The following ULK4 variants were observed in gnomAD, a reference collection of about 807,000 sequenced individuals.
ULK4 encodes the protein inactive serine/threonine-protein kinase ULK4.
A neutral mutation model predicts 160.6 loss-of-function variants in ULK4; 133 were observed. That is an observed-to-expected ratio of 0.83 (90% CI 0.72 to 0.96). The LOEUF (loss-of-function observed/expected upper bound fraction) is 0.96, where lower values mean the gene tolerates loss of function less well. ULK4 is among the 40% of genes least tolerant of loss of function. The pLI is 0.00. For synonymous variants in ULK4, 534 were observed against 539.8 expected (o/e 0.99, Z 0.15); for missense variants, 1,580 against 1,499.5 (o/e 1.05, Z -0.89).
intron 17 of ULK4, among the ~76,000 whole-genome samples, chr3:41,868,588 A>G (rs750856056): frequency 6.6e-6 from 1 of 152,204 alleles, no homozygotes; most frequent in Non-Finnish European, 1.5e-5. Flanking sequence ...CCAGGTTTCA[A>G]GCCATTCTCC....
chr3:41,490,175 A>G (rs2084697583), intron 32 of ULK4, among the ~76,000 whole-genome samples: 1 of 152,116 alleles, frequency 6.6e-6, no homozygotes, highest in South Asian at 2.1e-4. Flanking sequence ...TAGCTTTCTA[A>G]CAGTTCTCTC....
At chr3:41,619,478 A>G (rs928004696) in intron 30 of ULK4, among the ~76,000 whole-genome samples, 2 of 152,174 alleles carry the variant, frequency 1.3e-5, no homozygotes, top group African/African-American at 4.8e-5. Flanking sequence ...TCAAAACCAC[A>G]TAACTACATG....
chr3:41,442,011 T>C lies in ULK4; in HGVS notation c.3492+13486A>G, dbSNP rs115216591. On this transcript the variant is annotated intron_variant, in intron 34 of 36. Coordinates refer to ENST00000301831, the MANE Select transcript of ULK4 (RefSeq NM_017886.4). ...AGCTTTCTTTTGATTAGTGTAACCA[T>C]GGTGCATCTTCTTCCATTCTTTTAC... 4.2e-3 allele frequency among the ~76,000 whole-genome samples: 634 copies of C among 152,346 alleles called. 4 individuals carry two copies. Among genetic ancestry groups the C allele is most frequent in the African/African-American group, 0.015 (607 of 41,582 alleles).
At chr3:41,775,914 A>C (rs573997796) in intron 21 of ULK4, among the ~76,000 whole-genome samples, 1 of 151,090 alleles carries the variant, frequency 6.6e-6, no homozygotes, top group African/African-American at 2.5e-5. Context: ...TAATTATCCA[A>C]TCTCTTGTTG....
intron 22 of ULK4, among the ~76,000 whole-genome samples, chr3:41,750,629 C>T (rs73069401): frequency 0.034 from 5,141 of 152,230 alleles, 117 homozygotes; most frequent in Non-Finnish European, 0.053. Context: ...AAAAACACTG[C>T]CTTCTCCGTA....
chr3:41,952,834 G>T (rs1332892057), intron 2 of ULK4, among the ~76,000 whole-genome samples: 1 of 152,020 alleles, frequency 6.6e-6, no homozygotes, highest in East Asian at 1.9e-4. Flanking sequence ...ACATAAATAA[G>T]CAAAATGCGC....
intron 18 of ULK4, among the ~76,000 whole-genome samples, chr3:41,827,035 T>C (rs1239630037): frequency 6.6e-6 from 1 of 150,954 alleles, no homozygotes; most frequent in Non-Finnish European, 1.5e-5. Flanking sequence ...ACATGGAAAC[T>C]GAACAACCTG....
intron 34 of ULK4, among the ~76,000 whole-genome samples, chr3:41,453,003 G>A (rs779898782): frequency 2.6e-5 from 4 of 152,098 alleles, no homozygotes; most frequent in African/African-American, 4.8e-5. Context: ...TTCAGACACT[G>A]AGCTCTCTTG....
intron 16 of ULK4, among the ~76,000 whole-genome samples, chr3:41,888,079 C>G (rs1170329236): frequency 2.0e-5 from 3 of 151,104 alleles, no homozygotes; most frequent in African/African-American, 7.3e-5. Flanking sequence ...CTCGGGGACA[C>G]AGTGAGACCC....
At chr3:41,669,228 C>T (rs1575550369) in intron 29 of ULK4, among the ~76,000 whole-genome samples, 3 of 152,212 alleles carry the variant, frequency 2.0e-5, no homozygotes, top group Non-Finnish European at 4.4e-5. Context: ...GTATTAAATA[C>T]CTTTAAAATG....
At chr3:41,332,378 T>A (rs2080462996) in intron 35 of ULK4, among the ~76,000 whole-genome samples, 1 of 152,234 alleles carries the variant, frequency 6.6e-6, no homozygotes, top group South Asian at 2.1e-4. Context: ...ACTCCAAGCA[T>A]GAATCAACTT....
At chr3:41,456,631 T>C (rs2083560867) in intron 33 of ULK4, among the ~76,000 whole-genome samples, 1 of 152,202 alleles carries the variant, frequency 6.6e-6, no homozygotes, top group South Asian at 2.1e-4. Flanking sequence ...ATCATAGAGA[T>C]GAATAATTTT....
chr3:41,357,044 A>G (rs1025925479), intron 35 of ULK4, among the ~76,000 whole-genome samples: 3 of 152,154 alleles, frequency 2.0e-5, no homozygotes, highest in Admixed American at 2.0e-4. Flanking sequence ...TCCACTTTTC[A>G]GGCATCTTCT....
At chr3:41,509,894 T>G (rs2085511552) in intron 32 of ULK4, among the ~76,000 whole-genome samples, 1 of 152,176 alleles carries the variant, frequency 6.6e-6, no homozygotes, top group Admixed American at 6.5e-5. Flanking sequence ...TTTCACAGGA[T>G]CTATATAACA....
At chr3:41,665,878 A>G (rs1043745460) in intron 29 of ULK4, among the ~76,000 whole-genome samples, 3 of 152,228 alleles carry the variant, frequency 2.0e-5, no homozygotes, top group South Asian at 2.1e-4. Context: ...ATATTCTCAA[A>G]GTGTAATGAT....
At chr3:41,725,515 A>G (rs1388619300) in intron 22 of ULK4, among the ~76,000 whole-genome samples, 3 of 152,046 alleles carry the variant, frequency 2.0e-5, no homozygotes, top group Non-Finnish European at 4.4e-5. Context: ...CTGACTTGTT[A>G]CTTTCAATTA....
At chr3:41,863,345 T>G (rs1242655183) in intron 17 of ULK4, among the ~76,000 whole-genome samples, 1 of 152,142 alleles carries the variant, frequency 6.6e-6, no homozygotes, top group East Asian at 1.9e-4. Context: ...TTCAGGACAG[T>G]GGGCTCCCCC....
intron 25 of ULK4, 79 bp downstream of exon 25, chr3:41,715,158 T>C: frequency 7.1e-7 from 1 of 1,399,058 alleles, no homozygotes. Context: ...TTAAATTACC[T>C]CATTCTGACA....
chr3:41,359,172 G>A (rs1311015941), intron 35 of ULK4, among the ~76,000 whole-genome samples: 2 of 152,208 alleles, frequency 1.3e-5, no homozygotes, highest in African/African-American at 4.8e-5. Context: ...ACAGGAGTGA[G>A]GGAGGAACAG....
Sources: gnomAD v4.1 joint callset for allele counts (sites outside exome capture counted in the v4.1 genomes callset) on GRCh38, gnomAD v4.1.1 for gene constraint, MANE v1.5 for transcripts, NCBI Gene and HGNC (gene_info 2026-07-23, HGNC 2026-07-21) for gene names.